Variants in LRPPRC observed in about 807,000 individuals in gnomAD.
The protein encoded by LRPPRC is leucine-rich PPR motif-containing protein, mitochondrial.
In LRPPRC, 120 loss-of-function variants were observed where a neutral mutation model predicts 180.3. The ratio of observed to expected loss-of-function variants is 0.67; its 90% confidence interval spans 0.57 to 0.77. The LOEUF is 0.77. LRPPRC is among the 30% of genes least tolerant of loss of function. The pLI, the probability that LRPPRC is intolerant of heterozygous loss-of-function variation, is 0.00. For synonymous variants in LRPPRC, 723 were observed against 600.0 expected, an observed-to-expected ratio of 1.21 and a Z score of -3.00; for missense variants, 2,012 against 1,657.2, an observed-to-expected ratio of 1.21 and a Z score of -3.72.
In LRPPRC at chr2:43,918,152, CT is replaced by C; in HGVS notation, c.3040-20del. The C allele has an allele frequency of 6.2e-7, 1 of 1,602,768 alleles. No individual in the cohort carries two copies. The highest frequency in any genetic ancestry group is 8.5e-7 in the Non-Finnish European group (1 of 1,169,796). On this transcript the variant is annotated intron_variant, in intron 28 of 37. Coordinates refer to ENST00000260665, the MANE Select transcript of LRPPRC (RefSeq NM_133259.4). ...ACCACAACTTTAAAACAAAGTTATT[CT>C]GTTAAATAAAAACTGGTAATCTTTT...
rs376241552 is a variant in LRPPRC at position 43,928,295 on chromosome 2, T to C, written c.2737-2334A>G. Among the ~76,000 whole-genome samples, 190 of 152,320 alleles carry C rather than the reference T, an allele frequency of 1.2e-3. 4 individuals carry two copies. The South Asian group carries it at 0.039, about 31-fold the overall frequency. ...ACAACACTCTGATGTAAATTTACCA[T>C]AAAAAGCTTATCATAAGCTTCTATG... On this transcript the variant is annotated intron_variant, in intron 25 of 37. Transcript: ENST00000260665.
intron 7 of LRPPRC, 122 bp from the exon 8 acceptor site, chr2:43,974,880 C>G (rs1428502571): frequency 9.2e-7 from 1 of 1,089,480 alleles, no homozygotes; most frequent in Non-Finnish European, 1.4e-6. Context: ...TTTACGACTT[C>G]TTTTAAAAAA....
chr2:43,963,715 T>C lies in LRPPRC; in HGVS notation c.1370-9A>G, dbSNP rs764080719. The C allele has an allele frequency of 7.4e-7, 1 of 1,343,542 alleles. No individual in the cohort carries two copies. The highest frequency in any genetic ancestry group is 1.2e-5 in the South Asian group (1 of 85,678). The allele number at this position is 1,343,542 out of a possible 1,614,324, so 83.2% of individuals were successfully genotyped here. A position where few individuals can be genotyped will look rare whatever the true frequency, so the allele number is the denominator to read the frequency against. On this transcript the variant is annotated splice_polypyrimidine_tract_variant and intron_variant, in intron 11 of 37. Coordinates refer to ENST00000260665, the MANE Select transcript of LRPPRC (RefSeq NM_133259.4). Reference sequence around the variant, plus strand: ...GAGGATTTCAATTATACCTACCAAATAAAATGTAGAAGCACAGAGATAGAG... The same window carrying C: ...GAGGATTTCAATTATACCTACCAAACAAAATGTAGAAGCACAGAGATAGAG...
intron 1 of LRPPRC, among the ~76,000 whole-genome samples, chr2:43,984,724 G>A (rs1450055928): frequency 2.6e-5 from 4 of 152,256 alleles, no homozygotes; most frequent in East Asian, 3.9e-4. Flanking sequence ...CAGGGGTGAC[G>A]GTGGGGCCCC....
chr2:43,993,183 G>C (rs1214655715), intron 1 of LRPPRC, among the ~76,000 whole-genome samples: 1 of 152,078 alleles, frequency 6.6e-6, no homozygotes, highest in Non-Finnish European at 1.5e-5. Flanking sequence ...AATTAAAAGA[G>C]GTCCTTTCAA....
chr2:43,935,010 C>A, intron 23 of LRPPRC, 132 bp from the exon 24 acceptor site: 3 of 647,372 alleles, frequency 4.6e-6, no homozygotes, highest in African/African-American at 1.8e-5. Flanking sequence ...TAGAAAACCA[C>A]AAAGCTAAAA....
intron 25 of LRPPRC, among the ~76,000 whole-genome samples, chr2:43,927,100 T>C (rs1311962166): frequency 2.0e-5 from 3 of 152,214 alleles, no homozygotes; most frequent in African/African-American, 7.2e-5. Context: ...ATTTTCATCA[T>C]CTGCAAGAGG....
At chr2:43,899,085 C>T in intron 34 of LRPPRC, 134 bp downstream of exon 34, 1 of 708,118 alleles carries the variant, frequency 1.4e-6, no homozygotes, top group Non-Finnish European at 2.5e-6. Flanking sequence ...CCGTGATTCA[C>T]ACTGAATGTA....
At position 43,948,119 on chromosome 2, in the gene LRPPRC, C is replaced by A. The variant is rs1039797172; in HGVS notation, c.1920+3G>T. Reference sequence around the variant, plus strand: ...ATCCAGTTGATTGCTATTTCACACACACCTTAATCAATTCAGGAACATGGT... The same window carrying A: ...ATCCAGTTGATTGCTATTTCACACAAACCTTAATCAATTCAGGAACATGGT... On this transcript the variant is annotated splice_donor_region_variant and intron_variant, in intron 18 of 37. Transcript: ENST00000260665. 1 of 1,556,888 alleles carries A rather than the reference C, an allele frequency of 6.4e-7. No homozygotes were observed. The highest frequency in any genetic ancestry group is 8.9e-7 in the Non-Finnish European group (1 of 1,128,660).
At chr2:43,904,795 A>C (rs1430013706) in intron 31 of LRPPRC, 3 of 152,062 alleles carry the variant, frequency 2.0e-5, no homozygotes. Flanking sequence ...GATAGGAAGC[A>C]ATAAGGTTAC....
intron 1 of LRPPRC, among the ~76,000 whole-genome samples, chr2:43,987,016 C>T (rs369036417): frequency 3.3e-5 from 5 of 152,252 alleles, no homozygotes; most frequent in African/African-American, 1.2e-4. Context: ...TTAACTATTC[C>T]ACTTGAATTT....
intron 36 of LRPPRC, chr2:43,890,228 A>G (rs555573048): frequency 2.4e-6 from 1 of 413,180 alleles, no homozygotes; most frequent in African/African-American, 2.1e-5. Context: ...CACACCATTC[A>G]ATCCCCTTTG....
chr2:43,973,886 T>C lies in LRPPRC; in HGVS notation c.1170A>G (p.Leu390=). Residue 390 remains leucine (L), a synonymous_variant, in exon 10 of 38, where the codon CTA becomes CTG. Coordinates refer to ENST00000260665, the MANE Select transcript of LRPPRC (RefSeq NM_133259.4). ...CCTTTAACTTCTTACAGTAGTCTGT[T>C]AGCTTCTCCACAGGCTGTGGGAAAA... ...CVTMNTPVEK[L]TDYCKKLKEV... 1 of 1,603,490 alleles carries C rather than the reference T, an allele frequency of 6.2e-7. No homozygotes were observed. The highest frequency in any genetic ancestry group is 8.5e-7 in the Non-Finnish European group (1 of 1,170,520).
intron 9 of LRPPRC, 89 bp from the exon 10 acceptor site, chr2:43,973,989 C>A: frequency 9.1e-7 from 1 of 1,098,222 alleles, no homozygotes; most frequent in South Asian, 1.2e-5. Context: ...CTGAGATGAG[C>A]ATTTTAAACC....
rs528895675 is a variant in LRPPRC at position 43,927,601 on chromosome 2, A to G, written c.2737-1640T>C. 2.8e-4 allele frequency among the ~76,000 whole-genome samples: 42 copies of G among 152,344 alleles called. 1 individual carries two copies. Among genetic ancestry groups the G allele is most frequent in the African/African-American group, 9.9e-4 (41 of 41,586 alleles). On this transcript the variant is annotated intron_variant, in intron 25 of 37. Coordinates refer to ENST00000260665, the MANE Select transcript of LRPPRC (RefSeq NM_133259.4). ...TGTCAATATATACTAAAAGCCCTTG[A>G]AAAACTATGAAATAATCCTCTTCAG...
At position 43,977,203 on chromosome 2, in the gene LRPPRC, T is replaced by C; in HGVS notation, c.543A>G (p.Pro181=). ...CCTCCATTTTTGCCAGGAAATCAGTTGGTGAGAATTTATATTCATTTTGAA... is the reference window on the plus strand; with the variant it reads ...CCTCCATTTTTGCCAGGAAATCAGTCGGTGAGAATTTATATTCATTTTGAA... ...VYLQNEYKFS[P]TDFLAKMEEA... is the part of the protein sequence containing the mutation. The change falls in exon 4 of 38, where the codon CCA becomes CCG. Residue 181 remains proline (P), a synonymous_variant. Coordinates refer to ENST00000260665, the MANE Select transcript of LRPPRC (RefSeq NM_133259.4). 4 of 1,607,218 alleles carry C rather than the reference T, an allele frequency of 2.5e-6. No individual in the cohort carries two copies. The highest frequency in any genetic ancestry group is 3.4e-6 in the Non-Finnish European group (4 of 1,173,788).
intron 1 of LRPPRC, among the ~76,000 whole-genome samples, chr2:43,989,426 C>A (rs748630777): frequency 1.8e-4 from 28 of 152,316 alleles, no homozygotes; most frequent in African/African-American, 2.6e-4. Context: ...CTGTGTCTCA[C>A]CTATGGAGGA....
At chr2:43,917,885 T>TC (rs1450796419) in intron 29 of LRPPRC, 140 bp downstream of exon 29, 7 of 642,262 alleles carry the variant, frequency 1.1e-5, no homozygotes, top group Non-Finnish European at 1.9e-5. Context: ...CGTTAAAGTA[T>TC]GGAAGGGGAC....
intron 37 of LRPPRC, 104 bp downstream of exon 37, chr2:43,889,630 T>G: frequency 1.0e-6 from 1 of 990,188 alleles, no homozygotes. Context: ...CACAGAGATC[T>G]AATCCTCATG....
Sources: gnomAD v4.1 joint callset for allele counts (sites outside exome capture counted in the v4.1 genomes callset) on GRCh38, gnomAD v4.1.1 for gene constraint, MANE v1.5 for transcripts, NCBI Gene and HGNC (gene_info 2026-07-23, HGNC 2026-07-21) for gene names.